SLCO3A1: variants seen among roughly 807,000 people sequenced by gnomAD.
SLCO3A1 encodes the protein PGE1 transporter.
In SLCO3A1, 27 loss-of-function variants were observed where a neutral mutation model predicts 63.1. The observed-to-expected ratio is 0.43, with a 90% confidence interval of 0.32 to 0.59. The LOEUF (loss-of-function observed/expected upper bound fraction) is 0.59. SLCO3A1 is among the 20% of genes least tolerant of loss of function. The pLI, the probability that SLCO3A1 is intolerant of heterozygous loss-of-function variation, is 0.09. For missense variants in SLCO3A1, 773 were observed against 945.8 expected (o/e 0.82, Z 2.40); for synonymous variants, 473 against 409.9 (o/e 1.15, Z -1.86).
At chr15:92,085,340 T>G (rs2047392326) in intron 2 of SLCO3A1, among the ~76,000 whole-genome samples, 1 of 152,242 alleles carries the variant, frequency 6.6e-6, no homozygotes, top group Non-Finnish European at 1.5e-5. Flanking sequence ...TAGTTGTTTT[T>G]GTTCTTCAAC....
chr15:92,169,562 A>G (rs572143972), downstream of SLCO3A1, among the ~76,000 whole-genome samples: 3 of 151,428 alleles, frequency 2.0e-5, no homozygotes, highest in African/African-American at 4.9e-5. Context: ...AAACAGACAG[A>G]TAAGAGGAAT....
intron 2 of SLCO3A1, among the ~76,000 whole-genome samples, chr15:92,076,198 C>T (rs1045529875): frequency 1.3e-5 from 2 of 152,156 alleles, no homozygotes; most frequent in African/African-American, 2.4e-5. Flanking sequence ...TTCCACCGTT[C>T]GTCAAACAAA....
chr15:92,090,663 C>A, intron 2 of SLCO3A1, among the ~76,000 whole-genome samples: 1 of 152,252 alleles, frequency 6.6e-6, no homozygotes, highest in East Asian at 1.9e-4. Context: ...GGCCTGCTCC[C>A]AGCTCCAGCC....
chr15:92,156,625 G>C (rs1211454757), intron 9 of SLCO3A1, among the ~76,000 whole-genome samples: 2 of 152,308 alleles, frequency 1.3e-5, no homozygotes, highest in East Asian at 3.9e-4. Context: ...CTGGAAAACA[G>C]CCCAGATTCT....
intron 2 of SLCO3A1, among the ~76,000 whole-genome samples, chr15:92,053,425 C>G (rs992206395): frequency 6.6e-6 from 1 of 152,130 alleles, no homozygotes; most frequent in Non-Finnish European, 1.5e-5. Context: ...AACCGATGAC[C>G]AGTATCAATA....
intron 2 of SLCO3A1, among the ~76,000 whole-genome samples, chr15:92,058,008 G>GAC (rs2047041765): frequency 6.6e-6 from 1 of 152,164 alleles, no homozygotes; most frequent in Admixed American, 6.6e-5. Flanking sequence ...ATTCCCAGGT[G>GAC]AGGAAACAAG....
In SLCO3A1 at chr15:91,987,762, AT is replaced by A. The variant is rs1567053300; in HGVS notation, c.646+71305del. 4.0e-5 allele frequency among the ~76,000 whole-genome samples: 6 copies of A among 148,354 alleles called. No homozygotes were observed. In the East Asian group the frequency reaches 6.1e-4, roughly 15 times the overall value. ...TTGTCTAAAAAAAAAAAAAAAGATA[AT>A]AATAATTAATTGTGGTCGCAGCTCA... On this transcript the variant is annotated intron_variant, in intron 2 of 9. Transcript: ENST00000318445.
intron 2 of SLCO3A1, among the ~76,000 whole-genome samples, chr15:92,037,235 C>T (rs1272527507): frequency 6.6e-6 from 1 of 152,142 alleles, no homozygotes; most frequent in African/African-American, 2.4e-5. Flanking sequence ...ATGTTCATGC[C>T]AAATGATATG....
Position 92,137,500 on chromosome 15 carries a change from G to T in SLCO3A1, c.1512+9011G>T, listed in dbSNP as rs1443720157. Reference sequence around the variant, plus strand: ...TTGGGTATATACCCAGTAATGGGATGGCTGGGTCAAATGGTATTTCTAGTT... The same window carrying T: ...TTGGGTATATACCCAGTAATGGGATTGCTGGGTCAAATGGTATTTCTAGTT... On this transcript the variant is annotated intron_variant, in intron 7 of 9. Transcript: ENST00000318445. Among the ~76,000 whole-genome samples the T allele has an allele frequency of 7.8e-5, 8 of 102,160 alleles. 1 individual carries two copies. Among genetic ancestry groups the T allele is most frequent in the South Asian group, 2.8e-4 (1 of 3,544 alleles). 67.0% of individuals were successfully genotyped at this position (102,160 alleles called of 152,430 possible). A position where few individuals can be genotyped will look rare whatever the true frequency, so the allele number is the denominator to read the frequency against.
intron 2 of SLCO3A1, among the ~76,000 whole-genome samples, chr15:91,927,882 T>C (rs1432601760): frequency 6.6e-6 from 1 of 152,222 alleles, no homozygotes; most frequent in African/African-American, 2.4e-5. Context: ...AACCTGGTGG[T>C]GTCTATTATT....
intron 9 of SLCO3A1, chr15:92,153,427 G>A (rs531289619): frequency 7.2e-5 from 11 of 152,302 alleles, no homozygotes; most frequent in Admixed American, 6.5e-4. Flanking sequence ...CTATGACACA[G>A]CTTCATCTTT....
chr15:91,858,832 T>C (rs563223246), intron 1 of SLCO3A1, among the ~76,000 whole-genome samples: 35 of 152,348 alleles, frequency 2.3e-4, no homozygotes, highest in African/African-American at 8.4e-4. Flanking sequence ...AGGTGCTGCC[T>C]TGATCAGGGA....
chr15:91,965,050 C>T (rs1402496774), intron 2 of SLCO3A1, among the ~76,000 whole-genome samples: 1 of 152,088 alleles, frequency 6.6e-6, no homozygotes, highest in Non-Finnish European at 1.5e-5. Flanking sequence ...GACCTCAGCT[C>T]CCCCATGACA....
At position 91,859,131 on chromosome 15, in the gene SLCO3A1, G is replaced by T. The variant is rs150244168; in HGVS notation, c.180+5043G>T. On this transcript the variant is annotated intron_variant, in intron 1 of 9. Coordinates refer to ENST00000318445, the MANE Select transcript of SLCO3A1 (RefSeq NM_013272.4). This position sits in a 1 kb window ranked among gnomAD's most constrained non-coding sequence, Gnocchi z 5.1. ...GTTTGTGTACAGCGTTGCATACAATGAATATTGTATGCCATACTTTTTGAA... is the reference window on the plus strand; with the variant it reads ...GTTTGTGTACAGCGTTGCATACAATTAATATTGTATGCCATACTTTTTGAA... 7.9e-5 allele frequency among the ~76,000 whole-genome samples: 12 copies of T among 152,308 alleles called. No individual in the cohort carries two copies. The highest frequency in any genetic ancestry group is 2.9e-4 in the African/African-American group (12 of 41,562).
intron 2 of SLCO3A1, among the ~76,000 whole-genome samples, chr15:92,017,176 A>G (rs1276940139): frequency 8.5e-5 from 13 of 152,154 alleles, no homozygotes; most frequent in Admixed American, 7.9e-4. Flanking sequence ...CAGCTGCTGC[A>G]GGGAGATTAG....
chr15:92,161,871 C>A (rs1283328907), intron 9 of SLCO3A1: 2 of 149,040 alleles, frequency 1.3e-5, no homozygotes. Flanking sequence ...TATGCCGGCG[C>A]TTTGCAGTTT....
At position 92,163,568 on chromosome 15, in the gene SLCO3A1, A is replaced by C. The variant is rs112922474; in HGVS notation, c.*433A>C. 9.3e-4 allele frequency: 911 copies of C among 979,280 alleles called. 4 individuals are homozygous for C. In the African/African-American group the frequency reaches 0.012, roughly 13 times the overall value. 60.7% of individuals were successfully genotyped at this position (979,280 alleles called of 1,614,324 possible). ...AAATAAAAAAAATTAAAAAAAAAAA[A>C]CCCACAAGTTGAAAACATTGCCAGA... is the stretch of plus-strand genomic sequence containing the variant. On this transcript the variant is annotated 3_prime_UTR_variant, in exon 10 of 10. Coordinates refer to ENST00000318445, the MANE Select transcript of SLCO3A1 (RefSeq NM_013272.4).
intron 3 of SLCO3A1, among the ~76,000 whole-genome samples, chr15:92,096,600 G>A (rs765150535): frequency 2.6e-5 from 4 of 152,080 alleles, no homozygotes; most frequent in South Asian, 2.1e-4. Flanking sequence ...TTCTCATGCC[G>A]ATCTATCCTC....
At chr15:92,141,426 C>T (rs967753583) in intron 7 of SLCO3A1, among the ~76,000 whole-genome samples, 4 of 152,130 alleles carry the variant, frequency 2.6e-5, no homozygotes, top group Admixed American at 2.6e-4. Flanking sequence ...CCAAGATACA[C>T]CTGCTTTTTG....
Sources: gnomAD v4.1 joint callset for allele counts (sites outside exome capture counted in the v4.1 genomes callset) on GRCh38, gnomAD v4.1.1 for gene constraint, Gnocchi (gnomAD v3.1) non-coding constraint, MANE v1.5 for transcripts, NCBI Gene and HGNC (gene_info 2026-07-23, HGNC 2026-07-21) for gene names.